Variants in SYCP1 observed in about 807,000 individuals in gnomAD.
SYCP1 encodes synaptonemal complex protein 1, also known as cancer/testis antigen 8.
SYCP1 carries 64 observed loss-of-function variants against 153.1 expected under a neutral mutation model. The ratio of observed to expected loss-of-function variants is 0.42; its 90% CI spans 0.34 to 0.51. The LOEUF is 0.51. SYCP1 is among the 20% of genes least tolerant of loss of function. SYCP1 has a pLI of 0.06. For missense variants in SYCP1, 997 were observed against 1,049.0 expected, an observed-to-expected ratio of 0.95 and a Z score of 0.68; for synonymous variants, 384 against 341.8, an observed-to-expected ratio of 1.12 and a Z score of -1.36.
chr1:114,877,819 T>C (rs774037462), intron 11 of SYCP1, among the ~76,000 whole-genome samples: 3 of 152,194 alleles, frequency 2.0e-5, no homozygotes, highest in Non-Finnish European at 4.4e-5. Context: ...TATGTTGACT[T>C]TTCCATTATA....
At chr1:114,923,651 G>A in intron 21 of SYCP1, 121 bp downstream of exon 21, 2 of 1,001,234 alleles carry the variant, frequency 2.0e-6, no homozygotes, top group Non-Finnish European at 2.7e-6. Context: ...TCTAGAGACT[G>A]TCATCAGCCA....
chr1:114,949,599 C>T lies in SYCP1; in HGVS notation c.2322+2279C>T, dbSNP rs1322536689. Among the ~76,000 whole-genome samples the T allele has an allele frequency of 2.0e-5, 3 of 152,194 alleles. 1 individual carries two copies. The East Asian group carries it at 5.8e-4, about 29-fold the overall frequency. ...AGAGAATATGCCTTGATATGTGAGG[C>T]CCATGGGGTCTTGATTACTATGTCT... On this transcript the variant is annotated intron_variant, in intron 27 of 31. Coordinates refer to ENST00000369522, the MANE Select transcript of SYCP1 (RefSeq NM_003176.4).
At chr1:114,898,957 C>G (rs989828846) in intron 16 of SYCP1, among the ~76,000 whole-genome samples, 1 of 152,188 alleles carries the variant, frequency 6.6e-6, no homozygotes, top group African/African-American at 2.4e-5. Context: ...ACATTCTTTA[C>G]TGACCACAGG....
intron 30 of SYCP1, among the ~76,000 whole-genome samples, chr1:114,992,604 G>T (rs1674000566): frequency 6.6e-6 from 1 of 151,512 alleles, no homozygotes; most frequent in Admixed American, 6.6e-5. Flanking sequence ...AAAGAATTAA[G>T]TTGGATCCTT....
chr1:114,887,838 G>A, intron 15 of SYCP1, 145 bp downstream of exon 15: 1 of 513,854 alleles, frequency 1.9e-6, no homozygotes. Flanking sequence ...AATATTTGAA[G>A]GTAGAAAATT....
At chr1:114,986,741 A>G (rs1673539239) in intron 30 of SYCP1, among the ~76,000 whole-genome samples, 1 of 152,030 alleles carries the variant, frequency 6.6e-6, no homozygotes, top group African/African-American at 2.4e-5. Flanking sequence ...AGTGCCAGGA[A>G]TCCATCTCTC....
At chr1:114,970,971 T>C (rs150813522) in intron 27 of SYCP1, among the ~76,000 whole-genome samples, 38 of 152,354 alleles carry the variant, frequency 2.5e-4, no homozygotes, top group African/African-American at 8.7e-4. Flanking sequence ...GAATTAGATG[T>C]TGTTTTCCCC....
In SYCP1 at chr1:114,990,705, A is replaced by G. The variant is rs1170994781; in HGVS notation, c.2704-3993A>G. Among the ~76,000 whole-genome samples the G allele has an allele frequency of 2.0e-5, 3 of 151,992 alleles. No individual in the cohort carries two copies. In the East Asian group the frequency reaches 5.8e-4, roughly 29 times the overall value. ...ATGCCAACAAATTAGATAACCCAGA[A>G]TAAATGGAAATATTCCTTATAACTC... On this transcript the variant is annotated intron_variant, in intron 30 of 31. Coordinates refer to ENST00000369522, the MANE Select transcript of SYCP1 (RefSeq NM_003176.4).
chr1:114,885,629 G>T lies in SYCP1; in HGVS notation c.1005G>T (p.Val335=). ...EDIKVSLQRS[V]STQKALEEDL... ...TTAAAGTGTCATTACAAAGAAGTGT[G>T]GTATGATTTAAAAACTCATTAGTGT... Residue 335 remains valine (V), a splice_region_variant and synonymous_variant, in exon 13 of 32, where the codon GTG becomes GTT. Coordinates refer to ENST00000369522, the MANE Select transcript of SYCP1 (RefSeq NM_003176.4). The T allele has an allele frequency of 6.5e-7, 1 of 1,544,952 alleles. No homozygotes were observed. The highest frequency in any genetic ancestry group is 1.2e-5 in the South Asian group (1 of 83,940).
At chr1:114,876,683 A>C (rs1459633539) in intron 10 of SYCP1, 54 bp from the exon 11 acceptor site, 1 of 935,740 alleles carries the variant, frequency 1.1e-6, no homozygotes, top group East Asian at 3.4e-5. Context: ...TTTGTAATAG[A>C]AATGTTATAA....
In SYCP1 at chr1:114,859,801, T is replaced by A; in HGVS notation, c.515T>A (p.Leu172Ter). ...LEEGIQENKDLIKENNATRHL... is the reference protein window; with the variant it reads ...LEEGIQENKD ...GAAGGAATACAAGAAAATAAAGATT[T>A]AATAAAAGAGTAAGTAGTAATTTAA... is the stretch of plus-strand genomic sequence containing the variant. The change falls in exon 7 of 32, where the codon TTA becomes TAA. Residue 172 changes from leucine (L) to a stop codon, truncating the protein, a stop_gained. Coordinates refer to ENST00000369522, the MANE Select transcript of SYCP1 (RefSeq NM_003176.4). LOFTEE classifies it high-confidence loss of function. The A allele has an allele frequency of 1.4e-6, 1 of 728,748 alleles. No homozygotes were observed. The highest frequency in any genetic ancestry group is 2.0e-6 in the Non-Finnish European group (1 of 504,838). 45.1% of individuals were successfully genotyped at this position (728,748 alleles called of 1,614,324 possible). A position where few individuals can be genotyped will look rare whatever the true frequency, so the allele number is the denominator to read the frequency against.
chr1:114,959,392 A>G (rs1015460605), intron 27 of SYCP1, among the ~76,000 whole-genome samples: 1 of 152,122 alleles, frequency 6.6e-6, no homozygotes, highest in Non-Finnish European at 1.5e-5. Context: ...AATTTTTTGC[A>G]TCTACATTTA....
intron 27 of SYCP1, among the ~76,000 whole-genome samples, chr1:114,957,880 C>T (rs893215590): frequency 6.6e-6 from 1 of 151,970 alleles, no homozygotes; most frequent in African/African-American, 2.4e-5. Context: ...TCTAGAGGTT[C>T]CTCAAAAAAC....
chr1:114,954,441 C>G (rs773788243), intron 27 of SYCP1, among the ~76,000 whole-genome samples: 2 of 151,574 alleles, frequency 1.3e-5, no homozygotes, highest in Non-Finnish European at 2.9e-5. Flanking sequence ...ATTTTCTGTG[C>G]AGACATTTGT....
At chr1:114,975,196 T>G (rs1272862870) in intron 27 of SYCP1, among the ~76,000 whole-genome samples, 2 of 151,800 alleles carry the variant, frequency 1.3e-5, no homozygotes, top group Non-Finnish European at 3.0e-5. Flanking sequence ...AATCCAATTT[T>G]TGTGTTGTTG....
intron 13 of SYCP1, 39 bp downstream of exon 13, chr1:114,885,668 C>A: frequency 8.6e-7 from 1 of 1,156,772 alleles, no homozygotes; most frequent in South Asian, 1.4e-5. Flanking sequence ...ATAAGTCTCA[C>A]CCTATCAATC....
intron 27 of SYCP1, among the ~76,000 whole-genome samples, chr1:114,963,950 C>T (rs961124499): frequency 6.6e-6 from 1 of 152,232 alleles, no homozygotes; most frequent in African/African-American, 2.4e-5. Context: ...AATCACCACA[C>T]TGTCTTCCAC....
intron 9 of SYCP1, among the ~76,000 whole-genome samples, chr1:114,874,805 G>A (rs541986046): frequency 6.6e-6 from 1 of 152,144 alleles, no homozygotes; most frequent in East Asian, 1.9e-4. Flanking sequence ...ACTGCCTTTT[G>A]TCAGAAATCA....
chr1:114,857,604 GT>G, intron 5 of SYCP1, 107 bp downstream of exon 5: 1 of 885,768 alleles, frequency 1.1e-6, no homozygotes, highest in Non-Finnish European at 1.6e-6. Context: ...TTTGATTAAC[GT>G]TTTAAGATAT....
Sources: gnomAD v4.1 joint callset for allele counts (sites outside exome capture counted in the v4.1 genomes callset) on GRCh38, gnomAD v4.1.1 for gene constraint, MANE v1.5 for transcripts, NCBI Gene and HGNC (gene_info 2026-07-23, HGNC 2026-07-21) for gene names.